The following ACVR1B variants were observed in gnomAD, a reference collection of about 807,000 sequenced individuals.
The protein encoded by ACVR1B is activin receptor type-1B.
In ACVR1B, 15 loss-of-function variants were observed where a neutral mutation model predicts 55.6. The ratio of observed to expected loss-of-function variants is 0.27; its 90% CI spans 0.18 to 0.42. The LOEUF (loss-of-function observed/expected upper bound fraction) is 0.42. Ranked by LOEUF, ACVR1B falls within the 10% of genes least tolerant of loss-of-function variation. ACVR1B has a pLI of 1.00. For synonymous variants in ACVR1B, 247 were observed against 254.6 expected (o/e 0.97, Z 0.28); for missense variants, 359 against 670.1 (o/e 0.54, Z 5.13).
intron 4 of ACVR1B, chr12:51,982,573 G>T: frequency 1.7e-6 from 2 of 1,196,056 alleles, no homozygotes; most frequent in Non-Finnish European, 2.2e-6. Context: ...ATTGTGGAAG[G>T]GTCTCTCTAG....
At position 51,991,972 on chromosome 12, in the gene ACVR1B, C is replaced by G. The variant is rs1942201834; in HGVS notation, c.1371C>G (p.Pro457=). The change falls in exon 8 of 9, where the codon CCC becomes CCG. Residue 457 remains proline, a synonymous_variant. Transcript: ENST00000257963. ...ATCAGAAGCTGCGTCCCAACATCCC[C>G]AACTGGTGGCAGAGTTATGAGGTAA... ...VCDQKLRPNI[P]NWWQSYEALR... 1 of 1,614,096 alleles carries G rather than the reference C, an allele frequency of 6.2e-7. No individual in the cohort carries two copies. Among genetic ancestry groups the G allele is most frequent in the Non-Finnish European group, 8.5e-7 (1 of 1,180,052 alleles).
intron 8 of ACVR1B, among the ~76,000 whole-genome samples, chr12:51,993,491 G>A (rs935326825): frequency 6.6e-5 from 10 of 152,050 alleles, no homozygotes; most frequent in Non-Finnish European, 1.2e-4. Context: ...GCCGCCTGGC[G>A]CGGTGGCTCA....
intron 1 of ACVR1B, among the ~76,000 whole-genome samples, chr12:51,966,846 GT>G (rs1941650980): frequency 6.6e-6 from 1 of 152,180 alleles, no homozygotes. Context: ...ATTATTGTCA[GT>G]TATTTTAGGT....
intron 4 of ACVR1B, 124 bp from the exon 5 acceptor site, chr12:51,983,875 G>C (rs1942028701): frequency 2.1e-6 from 2 of 943,518 alleles, no homozygotes; most frequent in Admixed American, 2.2e-5. Context: ...AGGGGGCATG[G>C]AGGTGGGAAA....
intron 8 of ACVR1B, among the ~76,000 whole-genome samples, chr12:51,992,616 C>CGAGCT (rs1942215138): frequency 6.6e-6 from 1 of 152,166 alleles, no homozygotes; most frequent in South Asian, 2.1e-4. Context: ...CTCTGGAGCC[C>CGAGCT]GAGCTGAGCT....
intron 2 of ACVR1B, 51 bp downstream of exon 2, chr12:51,975,555 C>T (rs1941832282): frequency 6.3e-7 from 1 of 1,579,360 alleles, no homozygotes. Context: ...GATAGGGTAC[C>T]CCGTCATTTC....
intron 7 of ACVR1B, among the ~76,000 whole-genome samples, chr12:51,991,621 C>A (rs911091237): frequency 4.6e-5 from 7 of 152,314 alleles, no homozygotes; most frequent in Admixed American, 1.3e-4. Flanking sequence ...GGGCTGGTTT[C>A]AAACTACTGA....
chr12:51,951,920 G>A (rs1941304596), intron 1 of ACVR1B, 86 bp downstream of exon 1: 2 of 831,538 alleles, frequency 2.4e-6, no homozygotes, highest in Non-Finnish European at 3.2e-6. Flanking sequence ...GGACTACAGC[G>A]CGCCCCCTCC....
At chr12:51,976,858 A>C (rs1941869102) in intron 3 of ACVR1B, among the ~76,000 whole-genome samples, 1 of 152,158 alleles carries the variant, frequency 6.6e-6, no homozygotes, top group African/African-American at 2.4e-5. Context: ...ACATCTATTA[A>C]AATTCAGCTG....
At chr12:51,992,332 C>T (rs1331716120) in intron 8 of ACVR1B, 1 of 390,294 alleles carries the variant, frequency 2.6e-6, no homozygotes. Context: ...TGGGGAGACC[C>T]CATCTCTACA....
intron 8 of ACVR1B, 137 bp from the exon 9 acceptor site, chr12:51,993,848 A>C: frequency 1.2e-6 from 1 of 854,590 alleles, no homozygotes; most frequent in Non-Finnish European, 1.6e-6. Context: ...GCATTTCCCT[A>C]AGGTCGGCCG....
intron 1 of ACVR1B, among the ~76,000 whole-genome samples, chr12:51,957,391 C>T (rs193248630): frequency 8.2e-5 from 12 of 146,164 alleles, no homozygotes; most frequent in Admixed American, 2.1e-4. Flanking sequence ...TTGCAGTGAG[C>T]GGAGACTGCG....
At chr12:51,977,001 G>T (rs972248179) in intron 3 of ACVR1B, among the ~76,000 whole-genome samples, 7 of 152,206 alleles carry the variant, frequency 4.6e-5, no homozygotes, top group African/African-American at 1.4e-4. Context: ...AGGACATCCA[G>T]TAAAGCTTAG....
chr12:51,970,007 G>C (rs1293764575), intron 1 of ACVR1B, among the ~76,000 whole-genome samples: 1 of 152,216 alleles, frequency 6.6e-6, no homozygotes, highest in Non-Finnish European at 1.5e-5. Context: ...AAACCTTGAG[G>C]TTTCCAGTGG....
At position 51,993,765 on chromosome 12, in the gene ACVR1B, TAAAAAAAAAAAAAAAAAAAAAAAA is replaced by T. The variant is rs869161100; in HGVS notation, c.1393-204_1393-181del. ...CTGGGTGACAGAGTGAGACTCCTTC[TAAAAAAAAAAAAAAAAAAAAAAAA>T]AAAAAAAAAAAAAAAGGAAGAGCCA... On this transcript the variant is annotated intron_variant, in intron 8 of 8. Coordinates refer to ENST00000257963, the MANE Select transcript of ACVR1B (RefSeq NM_004302.5). 7.4e-3 allele frequency among the ~76,000 whole-genome samples: 220 copies of T among 29,778 alleles called. 5 individuals are homozygous for T. The highest frequency in any genetic ancestry group is 0.065 in the Middle Eastern group (3 of 46). The allele number at this position is 29,778 out of a possible 152,430, so 19.5% of individuals were successfully genotyped here. A position where few individuals can be genotyped will look rare whatever the true frequency, so the allele number is the denominator to read the frequency against.
intron 3 of ACVR1B, 125 bp downstream of exon 3, chr12:51,976,700 T>A: frequency 8.1e-7 from 1 of 1,232,498 alleles, no homozygotes; most frequent in Non-Finnish European, 1.1e-6. Context: ...TCATTTGGTT[T>A]CCTAGTTCCC....
rs1477445784 is a variant in ACVR1B, at chr12:51,984,036, C to G, written c.849C>G (p.Asp283Glu). The G allele has an allele frequency of 6.2e-7, 1 of 1,614,174 alleles. No individual in the cohort carries two copies. The highest frequency in any genetic ancestry group is 8.5e-7 in the Non-Finnish European group (1 of 1,180,030). Reference protein sequence around the residue: ...GTWTQLWLVSDYHEHGSLFDY... With the variant: ...GTWTQLWLVSEYHEHGSLFDY... ...GGACACAGCTGTGGCTTGTTTCTGACTATCATGAGCACGGGTCCCTGTTTG... is the reference window on the plus strand; with the variant it reads ...GGACACAGCTGTGGCTTGTTTCTGAGTATCATGAGCACGGGTCCCTGTTTG... Residue 283 changes from aspartate to glutamate, a missense_variant, in exon 5 of 9, where the codon GAC becomes GAG. By Grantham distance (45) the Asp-to-Glu change is conservative (BLOSUM62 2). Transcript: ENST00000257963.
rs372093834 is a variant in ACVR1B, at chr12:51,994,086, C to T, written c.1494C>T (p.Ser498=). Reference sequence around the variant, plus strand: ...TCAAGAAGACCCTCTCCCAGCTCAGCGTGCAGGAAGACGTGAAGATCTAAC... The same window carrying T: ...TCAAGAAGACCCTCTCCCAGCTCAGTGTGCAGGAAGACGTGAAGATCTAAC... ...LRIKKTLSQL[S]VQEDVKI The change falls in exon 9 of 9, where the codon AGC becomes AGT. Residue 498 remains serine (S), a synonymous_variant. Coordinates refer to ENST00000257963, the MANE Select transcript of ACVR1B (RefSeq NM_004302.5). The surrounding 1 kb of genome is among the most constrained non-coding windows in gnomAD (Gnocchi z 4.2). The T allele has an allele frequency of 1.7e-5, 27 of 1,613,818 alleles. No individual in the cohort carries two copies. The highest frequency in any genetic ancestry group is 2.1e-5 in the Non-Finnish European group (25 of 1,180,034).
chr12:51,990,066 G>T (rs1942159598), intron 7 of ACVR1B, among the ~76,000 whole-genome samples: 1 of 152,026 alleles, frequency 6.6e-6, no homozygotes, highest in Non-Finnish European at 1.5e-5. Flanking sequence ...GGCTGAGGCG[G>T]GCAGATCACC....
Sources: gnomAD v4.1 joint callset for allele counts (sites outside exome capture counted in the v4.1 genomes callset) on GRCh38, gnomAD v4.1.1 for gene constraint, Gnocchi (gnomAD v3.1) non-coding constraint, MANE v1.5 for transcripts, NCBI Gene and HGNC (gene_info 2026-07-23, HGNC 2026-07-21) for gene names.